Variants in HTR3E observed in about 807,000 individuals in gnomAD.
HTR3E encodes 5-hydroxytryptamine (serotonin) receptor 3, family member E.
A neutral mutation model predicts 38.0 loss-of-function variants in HTR3E; 38 were observed. The ratio of observed to expected loss-of-function variants is 1.00; its 90% CI spans 0.77 to 1.31. The LOEUF (loss-of-function observed/expected upper bound fraction) is 1.31. Ranked by LOEUF, HTR3E falls within the 50% of genes most tolerant of loss-of-function variation. The probability of loss-of-function intolerance (pLI) is 0.00; values close to 1 mark genes in which losing one functional copy is unlikely to be tolerated. For missense variants in HTR3E, 547 were observed against 585.2 expected (o/e 0.93, Z 0.67); for synonymous variants, 210 against 232.9 (o/e 0.90, Z 0.89).
rs894937499 is a variant in HTR3E, at chr3:184,106,833, G to A, written c.*140G>A. ...TGCTGTATTCCATGTATCCCAATCC[G>A]GTCCTGCTGATCAATTCCAATCCCA... is the stretch of plus-strand genomic sequence containing the variant. On this transcript the variant is annotated 3_prime_UTR_variant, in exon 9 of 9. Coordinates refer to ENST00000415389, the MANE Select transcript of HTR3E (RefSeq NM_001256613.2). This position sits in a 1 kb window ranked among gnomAD's most constrained non-coding sequence, Gnocchi z 4.1. 10 of 858,374 alleles carry A rather than the reference G, an allele frequency of 1.2e-5. No homozygotes were observed. The highest frequency in any genetic ancestry group is 6.8e-5 in the African/African-American group (4 of 58,712). 53.2% of individuals were successfully genotyped at this position (858,374 alleles called of 1,614,324 possible).
intron 3 of HTR3E, among the ~76,000 whole-genome samples, chr3:184,102,629 T>TA (rs992607621): frequency 0.03 from 3,585 of 120,988 alleles, 50 homozygotes; most frequent in African/African-American, 0.048. Context: ...TTAAAGTATA[T>TA]AAAAAAAAAA....
chr3:184,104,284 A>T lies in HTR3E; in HGVS notation c.382A>T (p.Ile128Phe). The T allele has an allele frequency of 6.2e-7, 1 of 1,611,162 alleles. No homozygotes were observed. Among genetic ancestry groups the T allele is most frequent in the Middle Eastern group, 1.7e-4 (1 of 6,012 alleles). ...CCTGTGGCTCCCAGACATTTTCATCATTGAACTGTGCGTATCAAGGGCTGG... is the reference window on the plus strand; with the variant it reads ...CCTGTGGCTCCCAGACATTTTCATCTTTGAACTGTGCGTATCAAGGGCTGG... ...KNLWLPDIFIIELMDVDKTPK... is the reference protein window; with the variant it reads ...KNLWLPDIFIFELMDVDKTPK... Residue 128 changes from isoleucine to phenylalanine, a missense_variant, in exon 4 of 9, where the codon ATT becomes TTT. Transcript: ENST00000415389.
At chr3:184,105,577 G>A (rs1386195992) in intron 6 of HTR3E, 150 bp downstream of exon 6, 1 of 1,056,532 alleles carries the variant, frequency 9.5e-7, no homozygotes, top group African/African-American at 1.6e-5. Flanking sequence ...CTAAAGCTCA[G>A]GGCTCTGGCC....
rs756265865 is a variant in HTR3E, at chr3:184,106,347, A to G, written c.1141+4A>G. On this transcript the variant is annotated splice_donor_region_variant and intron_variant, in intron 8 of 8. Coordinates refer to ENST00000415389, the MANE Select transcript of HTR3E (RefSeq NM_001256613.2). The surrounding 1 kb of genome is among the most constrained non-coding windows in gnomAD (Gnocchi z 4.1). ...CTCACCCCCACCCACCTGCCCGGTG[A>G]GGGAAGTCACATTCCTCTTCCCCCA... The G allele has an allele frequency of 6.2e-7, 1 of 1,605,596 alleles. No homozygotes were observed. The highest frequency in any genetic ancestry group is 1.7e-5 in the Admixed American group (1 of 58,540).
Position 184,104,780 on chromosome 3 carries a change from C to A in HTR3E, c.390-7C>A. The A allele has an allele frequency of 6.2e-7, 1 of 1,604,894 alleles. No individual in the cohort carries two copies. ...AGCACCTGCCTCTTGCGTTATCTCT[C>A]CTCCAGCATGGATGTGGATAAGACC... On this transcript the variant is annotated splice_region_variant and splice_polypyrimidine_tract_variant and intron_variant, in intron 4 of 8. Coordinates refer to ENST00000415389, the MANE Select transcript of HTR3E (RefSeq NM_001256613.2).
intron 1 of HTR3E, among the ~76,000 whole-genome samples, chr3:184,099,343 T>C (rs1390863965): frequency 6.6e-6 from 1 of 151,838 alleles, no homozygotes; most frequent in Non-Finnish European, 1.5e-5. Flanking sequence ...GGCCAAGTGA[T>C]TGCGCCACTG....
intron 3 of HTR3E, among the ~76,000 whole-genome samples, chr3:184,102,522 C>G (rs1360197913): frequency 6.6e-6 from 1 of 150,650 alleles, no homozygotes; most frequent in East Asian, 2.0e-4. Flanking sequence ...GGAGATATAC[C>G]TAATGTTAAA....
intron 1 of HTR3E, among the ~76,000 whole-genome samples, chr3:184,099,741 G>GAAAA (rs1451522605): frequency 5.1e-5 from 6 of 117,722 alleles, no homozygotes; most frequent in Admixed American, 1.8e-4. Flanking sequence ...AAAAAAAAAA[G>GAAAA]AAAGAAATAT....
intron 3 of HTR3E, among the ~76,000 whole-genome samples, chr3:184,102,705 G>A (rs565434494): frequency 2.7e-5 from 4 of 150,582 alleles, no homozygotes; most frequent in Admixed American, 6.6e-5. Context: ...CCGGTGGATC[G>A]CCTGAACTCA....
intron 5 of HTR3E, 56 bp from the exon 6 acceptor site, chr3:184,105,211 T>G: frequency 6.5e-7 from 1 of 1,533,310 alleles, no homozygotes; most frequent in Non-Finnish European, 8.8e-7. Flanking sequence ...AGAGTGCAGT[T>G]GAGCCACCAG....
intron 3 of HTR3E, 82 bp from the exon 4 acceptor site, chr3:184,104,100 T>C: frequency 1.1e-6 from 1 of 905,468 alleles, no homozygotes. Flanking sequence ...TTTTTCTATA[T>C]GCTTGAAGTA....
At chr3:184,100,707 G>A (rs1294199275) in intron 2 of HTR3E, 56 bp downstream of exon 2, 2 of 1,572,416 alleles carry the variant, frequency 1.3e-6, no homozygotes, top group African/African-American at 2.7e-5. Flanking sequence ...TCCAGCCCCT[G>A]GCAAAGTGGC....
rs1257819894 is a variant in HTR3E at position 184,097,363 on chromosome 3, G to C, written c.-167G>C. The stretch of plus-strand genomic sequence containing the variant: ...AAAAGCAGACTGAACCTTAAGCATA[G>C]GCAAGAACAAGACAACCAGAACACT... On this transcript the variant is annotated 5_prime_UTR_variant, in exon 1 of 9. Transcript: ENST00000415389. 1 of 601,742 alleles carries C rather than the reference G, an allele frequency of 1.7e-6. No individual in the cohort carries two copies. Among genetic ancestry groups the C allele is most frequent in the African/African-American group, 1.9e-5 (1 of 53,764 alleles). The allele number at this position is 601,742 out of a possible 1,614,324, so 37.3% of individuals were successfully genotyped here.
At position 184,106,741 on chromosome 3, in the gene HTR3E, G is replaced by A; in HGVS notation, c.*48G>A. The stretch of plus-strand genomic sequence containing the variant: ...CAGTCTGGAGCTTCTCTTGCCTCCA[G>A]GGACTGGCCAGGTCTCCCCCCTTTC... On this transcript the variant is annotated 3_prime_UTR_variant, in exon 9 of 9. Transcript: ENST00000415389. The surrounding 1 kb of genome is among the most constrained non-coding windows in gnomAD (Gnocchi z 4.1). 6.3e-7 allele frequency: 1 copy of A among 1,596,182 alleles called. No homozygotes were observed. The highest frequency in any genetic ancestry group is 8.6e-7 in the Non-Finnish European group (1 of 1,167,262).
intron 3 of HTR3E, among the ~76,000 whole-genome samples, chr3:184,102,067 G>C (rs911742690): frequency 6.6e-6 from 1 of 152,162 alleles, no homozygotes; most frequent in Admixed American, 6.6e-5. Context: ...CAATTAAGAA[G>C]CTTAGTCTAA....
At chr3:184,101,817 C>A (rs563391980) in intron 3 of HTR3E, among the ~76,000 whole-genome samples, 1 of 152,024 alleles carries the variant, frequency 6.6e-6, no homozygotes, top group South Asian at 2.1e-4. Context: ...TGGTGAAACC[C>A]CATCTCTACT....
intron 1 of HTR3E, among the ~76,000 whole-genome samples, chr3:184,098,173 AG>A (rs1214073470): frequency 6.6e-6 from 1 of 152,226 alleles, no homozygotes; most frequent in Non-Finnish European, 1.5e-5. Flanking sequence ...CCAGGGGGTC[AG>A]CATGGTAGAG....
Position 184,104,270 on chromosome 3 carries a change from C to T in HTR3E, c.368C>T (p.Pro123Leu). ...ATGGCAGCCAAGAACCTGTGGCTCC[C>T]AGACATTTTCATCATTGAACTGTGC... is the stretch of plus-strand genomic sequence containing the variant. ...MSMAAKNLWL[P>L]DIFIIELMDV... The change falls in exon 4 of 9, where the codon CCA becomes CTA. Residue 123 changes from proline (P) to leucine (L), a missense_variant. Pro to Leu is a moderately conservative substitution (Grantham distance 98). Coordinates refer to ENST00000415389, the MANE Select transcript of HTR3E (RefSeq NM_001256613.2). The T allele has an allele frequency of 6.2e-7, 1 of 1,612,384 alleles. No individual in the cohort carries two copies. The highest frequency in any genetic ancestry group is 8.5e-7 in the Non-Finnish European group (1 of 1,179,260).
chr3:184,100,059 T>C (rs1711923091), intron 1 of HTR3E: 4 of 1,127,302 alleles, frequency 3.5e-6, no homozygotes, highest in South Asian at 6.9e-5. Context: ...GCTCACCCCA[T>C]CCTCCCGGGC....
Sources: allele counts gnomAD v4.1 joint callset (sites outside exome capture counted in the v4.1 genomes callset), GRCh38; gene constraint gnomAD v4.1.1; non-coding constraint Gnocchi (gnomAD v3.1); transcripts MANE v1.5; gene names NCBI Gene and HGNC (gene_info 2026-07-23, HGNC 2026-07-21).